SIGLEC15: variants seen among roughly 807,000 people sequenced by gnomAD.
SIGLEC15 encodes sialic acid binding Ig like lectin 15, also known as sialic acid-binding Ig-like lectin 15.
In SIGLEC15, 31 loss-of-function variants were observed where a neutral mutation model predicts 26.2. The observed-to-expected ratio is 1.18, with a 90% CI of 0.89 to 1.60. The LOEUF is 1.60. SIGLEC15 is among the 40% of genes most tolerant of loss of function. The pLI is 0.00. For synonymous variants in SIGLEC15, 207 were observed against 221.9 expected, an observed-to-expected ratio of 0.93 and a Z score of 0.60; for missense variants, 501 against 488.4, an observed-to-expected ratio of 1.03 and a Z score of -0.24.
In SIGLEC15 at chr18:45,842,244, G is replaced by C; in HGVS notation, c.*57G>C. On this transcript the variant is annotated 3_prime_UTR_variant, in exon 6 of 6. Coordinates refer to ENST00000389474, the MANE Select transcript of SIGLEC15 (RefSeq NM_213602.3). ...CACTGTAAAGAACAAAGGCCAGTGC[G>C]AGGCTTGGCTGGCACAGCCAGTCCT... 6.3e-7 allele frequency: 1 copy of C among 1,585,434 alleles called. No individual in the cohort carries two copies. Among genetic ancestry groups the C allele is most frequent in the Admixed American group, 1.7e-5 (1 of 59,970 alleles).
In SIGLEC15 at chr18:45,842,294, C is replaced by G. The variant is rs1568083142; in HGVS notation, c.*107C>G. The G allele has an allele frequency of 7.9e-7, 1 of 1,269,854 alleles. No homozygotes were observed. Among genetic ancestry groups the G allele is most frequent in the South Asian group, 1.2e-5 (1 of 80,074 alleles). The allele number at this position is 1,269,854 out of a possible 1,614,324, so 78.7% of individuals were successfully genotyped here. The stretch of plus-strand genomic sequence containing the variant: ...TGGTTCTCGGGCACCTTGGCAGCCC[C>G]CAGCTGGGTGGCTCCTCCCCTGCTC... On this transcript the variant is annotated 3_prime_UTR_variant, in exon 6 of 6. Coordinates refer to ENST00000389474, the MANE Select transcript of SIGLEC15 (RefSeq NM_213602.3).
rs2048338939 is a variant in SIGLEC15, at chr18:45,843,134, TG to T, written c.*948del. The T allele has an allele frequency of 6.6e-6, 1 of 152,254 alleles. No homozygotes were observed. Among genetic ancestry groups the T allele is most frequent in the African/African-American group, 2.4e-5 (1 of 41,458 alleles). 9.4% of individuals were successfully genotyped at this position (152,254 alleles called of 1,614,324 possible). On this transcript the variant is annotated 3_prime_UTR_variant, in exon 6 of 6. Transcript: ENST00000389474. ...TCTCAGGAGCTGAAGCCGGGAGACC[TG>T]AGGGGAGGTCTGGCCGGAGAGTCCG...
rs754208458 is a variant in SIGLEC15 at position 45,843,639 on chromosome 18, G to C, written c.*1452G>C. 1 of 152,340 alleles carries C rather than the reference G, an allele frequency of 6.6e-6. No homozygotes were observed. Among genetic ancestry groups the C allele is most frequent in the South Asian group, 2.1e-4 (1 of 4,830 alleles). 9.4% of individuals were successfully genotyped at this position (152,340 alleles called of 1,614,324 possible). A position where few individuals can be genotyped will look rare whatever the true frequency, so the allele number is the denominator to read the frequency against. The stretch of plus-strand genomic sequence containing the variant: ...CATGCCTGTAATCCCAGCACCCTGG[G>C]AGGCCGAGGCAGGTGGATCACTTGA... On this transcript the variant is annotated 3_prime_UTR_variant, in exon 6 of 6. Transcript: ENST00000389474.
At position 45,842,202 on chromosome 18, in the gene SIGLEC15, ACC is replaced by A. The variant is rs749727706; in HGVS notation, c.*16_*17del. The stretch of plus-strand genomic sequence containing the variant: ...GCTCACCGTGAGGAGTCCCTCAGCC[ACC>A]AACATCCATTTCAGCACTGTAAAGA... On this transcript the variant is annotated 3_prime_UTR_variant, in exon 6 of 6. Coordinates refer to ENST00000389474, the MANE Select transcript of SIGLEC15 (RefSeq NM_213602.3). The A allele has an allele frequency of 1.2e-6, 2 of 1,613,720 alleles. No homozygotes were observed. The highest frequency in any genetic ancestry group is 3.3e-5 in the Admixed American group (2 of 60,022).
intron 1 of SIGLEC15, among the ~76,000 whole-genome samples, chr18:45,831,058 G>T (rs1445821250): frequency 6.6e-6 from 1 of 152,150 alleles, no homozygotes; most frequent in African/African-American, 2.4e-5. Flanking sequence ...ATGGCAACTT[G>T]CCCAATGTCC....
intron 1 of SIGLEC15, among the ~76,000 whole-genome samples, chr18:45,836,070 T>C (rs997837886): frequency 7.2e-5 from 11 of 152,158 alleles, no homozygotes; most frequent in Non-Finnish European, 1.2e-4. Flanking sequence ...TGATTATTCA[T>C]AGATGGATGG....
At chr18:45,826,193 T>C (rs1161174985) in intron 1 of SIGLEC15, among the ~76,000 whole-genome samples, 1 of 151,776 alleles carries the variant, frequency 6.6e-6, no homozygotes, top group Non-Finnish European at 1.5e-5. Flanking sequence ...GCATGGGCGT[T>C]TGGGGACAGT....
intron 1 of SIGLEC15, among the ~76,000 whole-genome samples, chr18:45,833,379 C>A (rs960612696): frequency 1.3e-5 from 2 of 152,136 alleles, no homozygotes; most frequent in East Asian, 1.9e-4. Flanking sequence ...TACAGTGGTG[C>A]AGTCTCAGCT....
rs148943965 is a variant in SIGLEC15 at position 45,832,028 on chromosome 18, G to A, written c.53-5001G>A. 1.6e-3 allele frequency among the ~76,000 whole-genome samples: 237 copies of A among 152,294 alleles called. 4 individuals carry two copies. The highest frequency in any genetic ancestry group is 0.013 in the East Asian group (65 of 5,186). ...ATTACAGGCGTGAGCCGCCACGCCC[G>A]GCCCAACATCTTAACCCCCTGTGGC... On this transcript the variant is annotated intron_variant, in intron 1 of 5. Transcript: ENST00000389474.
intron 1 of SIGLEC15, among the ~76,000 whole-genome samples, chr18:45,830,967 T>C (rs1312976837): frequency 1.3e-5 from 2 of 152,178 alleles, no homozygotes; most frequent in Non-Finnish European, 2.9e-5. Context: ...TTTTCAGACA[T>C]AGATTTTTAG....
chr18:45,828,381 A>G (rs1435147135), intron 1 of SIGLEC15, among the ~76,000 whole-genome samples: 1 of 151,994 alleles, frequency 6.6e-6, no homozygotes, highest in African/African-American at 2.4e-5. Context: ...CTCCCCACAT[A>G]GCCTCCCAGG....
Position 45,839,026 on chromosome 18 carries a change from G to A in SIGLEC15, c.805G>A (p.Gly269Ser). 6.3e-7 allele frequency: 1 copy of A among 1,575,580 alleles called. No homozygotes were observed. The highest frequency in any genetic ancestry group is 8.6e-7 in the Non-Finnish European group (1 of 1,169,012). The change falls in exon 4 of 6, where the codon GGC (glycine) becomes AGC (serine). Residue 269 changes from glycine to serine, a missense_variant. Physicochemically the swap from Gly to Ser is moderately conservative, Grantham distance 56. Coordinates refer to ENST00000389474, the MANE Select transcript of SIGLEC15 (RefSeq NM_213602.3). ...GGCCTCGACGGTCGCCCTCCTGCTC[G>A]GCGCTCTCGGCTTCAAGGCGCTGCT... ...SGASTVALLL[G>S]ALGFKALLLL...
At chr18:45,835,860 G>A (rs572794554) in intron 1 of SIGLEC15, among the ~76,000 whole-genome samples, 6 of 152,262 alleles carry the variant, frequency 3.9e-5, no homozygotes, top group African/African-American at 1.4e-4. Flanking sequence ...GAAGGAAGAG[G>A]ACAGTGAGGA....
intron 1 of SIGLEC15, among the ~76,000 whole-genome samples, chr18:45,828,703 T>C (rs9955246): frequency 0.049 from 7,454 of 152,264 alleles, 614 homozygotes; most frequent in African/African-American, 0.17. Context: ...AAGCAGAGGC[T>C]TCTGAGTGTG....
intron 1 of SIGLEC15, among the ~76,000 whole-genome samples, chr18:45,832,179 G>A (rs923886727): frequency 3.3e-5 from 5 of 152,222 alleles, no homozygotes; most frequent in African/African-American, 7.2e-5. Context: ...CTCTACATAC[G>A]TGGTTTCATT....
At chr18:45,842,068 C>G (rs759395725) in intron 5 of SIGLEC15, 38 bp from the exon 6 acceptor site, 1 of 1,601,880 alleles carries the variant, frequency 6.2e-7, no homozygotes, top group Non-Finnish European at 8.6e-7. Flanking sequence ...GGACCTCCCA[C>G]CTGTTTGGAT....
rs939106387 is a variant in SIGLEC15 at position 45,843,408 on chromosome 18, C to A, written c.*1221C>A. 1 of 152,226 alleles carries A rather than the reference C, an allele frequency of 6.6e-6. No homozygotes were observed. The highest frequency in any genetic ancestry group is 1.5e-5 in the Non-Finnish European group (1 of 68,078). 9.4% of individuals were successfully genotyped at this position (152,226 alleles called of 1,614,324 possible). A position where few individuals can be genotyped will look rare whatever the true frequency, so the allele number is the denominator to read the frequency against. ...GCTGGCAAGAGGAAAGGGCCACAGG[C>A]TAGGGGAATAACGAGGCCATGAACA... On this transcript the variant is annotated 3_prime_UTR_variant, in exon 6 of 6. Transcript: ENST00000389474.
rs747322785 is a variant in SIGLEC15 at position 45,842,230 on chromosome 18, A to G, written c.*43A>G. The G allele has an allele frequency of 4.0e-5, 65 of 1,606,238 alleles. No individual in the cohort carries two copies. The highest frequency in any genetic ancestry group is 1.0e-5 in the Non-Finnish European group (12 of 1,172,970). On this transcript the variant is annotated 3_prime_UTR_variant, in exon 6 of 6. Coordinates refer to ENST00000389474, the MANE Select transcript of SIGLEC15 (RefSeq NM_213602.3). ...AACATCCATTTCAGCACTGTAAAGAACAAAGGCCAGTGCGAGGCTTGGCTG... is the reference window on the plus strand; with the variant it reads ...AACATCCATTTCAGCACTGTAAAGAGCAAAGGCCAGTGCGAGGCTTGGCTG...
In SIGLEC15 at chr18:45,840,443, G is replaced by A. The variant is rs150566568; in HGVS notation, c.905+202G>A. On this transcript the variant is annotated intron_variant, in intron 5 of 5. Transcript: ENST00000389474. ...GTCTTCCCTGGACAGACCAAGCCTC[G>A]CTGACCTGCTCCTCCCCCACGACTC... 2.1e-3 allele frequency among the ~76,000 whole-genome samples: 316 copies of A among 152,206 alleles called. 2 individuals carry two copies. Among genetic ancestry groups the A allele is most frequent in the African/African-American group, 7.2e-3 (300 of 41,540 alleles).
Sources: allele counts gnomAD v4.1 joint callset (sites outside exome capture counted in the v4.1 genomes callset), GRCh38; gene constraint gnomAD v4.1.1; transcripts MANE v1.5; gene names NCBI Gene and HGNC (gene_info 2026-07-23, HGNC 2026-07-21).